IFT140: variants seen among roughly 807,000 people sequenced by gnomAD.
IFT140 encodes the protein intraflagellar transport protein 140 homolog.
IFT140 carries 133 observed loss-of-function variants against 164.6 expected under a neutral mutation model. The ratio of observed to expected loss-of-function variants is 0.81; its 90% confidence interval spans 0.70 to 0.93. IFT140 has a LOEUF of 0.93. Among genes scored for constraint, IFT140 ranks in the 40% least tolerant of loss-of-function variants. The pLI, the probability that IFT140 is intolerant of heterozygous loss-of-function variation, is 0.00. For synonymous variants in IFT140, 860 were observed against 817.3 expected (o/e 1.05, Z -0.89); for missense variants, 2,045 against 1,972.3 (o/e 1.04, Z -0.70).
At chr16:1,550,669 G>A (rs1334370210) in intron 19 of IFT140, among the ~76,000 whole-genome samples, 1 of 152,194 alleles carries the variant, frequency 6.6e-6, no homozygotes, top group Admixed American at 6.5e-5. Flanking sequence ...TTTGCTCCAT[G>A]GTTTAGCCTT....
chr16:1,566,296 G>C lies in IFT140; in HGVS notation c.1771-5C>G. The C allele has an allele frequency of 6.2e-7, 1 of 1,613,006 alleles. No homozygotes were observed. The highest frequency in any genetic ancestry group is 8.5e-7 in the Non-Finnish European group (1 of 1,179,270). ...GGAATCAGGGCTGTTGTCAGCCTAGGAGAAGAGAAAACCAGAAAGCTCACG... is the reference window on the plus strand; with the variant it reads ...GGAATCAGGGCTGTTGTCAGCCTAGCAGAAGAGAAAACCAGAAAGCTCACG... On this transcript the variant is annotated splice_polypyrimidine_tract_variant and splice_region_variant and intron_variant, in intron 15 of 30. Transcript: ENST00000426508.
chr16:1,602,176 G>A (rs781695388), intron 4 of IFT140, 194 bp downstream of exon 4: 32 of 600,300 alleles, frequency 5.3e-5, no homozygotes, highest in Non-Finnish European at 8.3e-5. Flanking sequence ...TTATAAAGGT[G>A]CAGACACACC....
At chr16:1,519,523 A>C (rs2667665) in intron 29 of IFT140, among the ~76,000 whole-genome samples, 66,718 of 151,714 alleles carry the variant, frequency 0.44, 17,695 homozygotes, top group African/African-American at 0.74. Context: ...ATGGTCCCCC[A>C]ACCCCAGGTC....
At chr16:1,543,254 G>A (rs540159643) in intron 19 of IFT140, among the ~76,000 whole-genome samples, 1 of 152,272 alleles carries the variant, frequency 6.6e-6, no homozygotes, top group African/African-American at 2.4e-5. Flanking sequence ...TCCCACAGAG[G>A]AAGTGGCAGG....
At chr16:1,511,244 CG>C (rs1050778930) in intron 30 of IFT140, 94 bp from the exon 31 acceptor site, 1 of 1,257,562 alleles carries the variant, frequency 8.0e-7, no homozygotes, top group African/African-American at 1.5e-5. Flanking sequence ...CCCCTGGAGG[CG>C]GGTGGGGGTG....
intron 29 of IFT140, among the ~76,000 whole-genome samples, chr16:1,519,452 C>T (rs2040455272): frequency 6.6e-6 from 1 of 152,138 alleles, no homozygotes; most frequent in Non-Finnish European, 1.5e-5. Context: ...TGGGTCTCCT[C>T]TCCACAAGCT....
Position 1,510,904 on chromosome 16 carries a change from C to A in IFT140, c.*40G>T. On this transcript the variant is annotated 3_prime_UTR_variant, in exon 31 of 31. Transcript: ENST00000426508. ...GCTGACAAAAAAATTCCAGAAGATG[C>A]CTTTCTGCAGCAGCACGCTGGTCCT... 8 of 1,570,562 alleles carry A rather than the reference C, an allele frequency of 5.1e-6. No individual in the cohort carries two copies. Among genetic ancestry groups the A allele is most frequent in the Non-Finnish European group, 6.1e-6 (7 of 1,149,814 alleles).
intron 3 of IFT140, among the ~76,000 whole-genome samples, chr16:1,604,013 C>A (rs1421100626): frequency 6.6e-6 from 1 of 152,160 alleles, no homozygotes; most frequent in African/African-American, 2.4e-5. Context: ...TGCTTTAGAT[C>A]TTCTAAATTT....
At chr16:1,538,916 G>T (rs2031340399) in intron 19 of IFT140, among the ~76,000 whole-genome samples, 1 of 152,158 alleles carries the variant, frequency 6.6e-6, no homozygotes, top group African/African-American at 2.4e-5. Flanking sequence ...GGCTCCTGCT[G>T]GTCCCATCTG....
At chr16:1,575,100 C>T (rs910794255) in intron 13 of IFT140, among the ~76,000 whole-genome samples, 1 of 151,992 alleles carries the variant, frequency 6.6e-6, no homozygotes, top group African/African-American at 2.4e-5. Flanking sequence ...CATGGTGGCT[C>T]ACACCTCTAA....
intron 7 of IFT140, 128 bp from the exon 8 acceptor site, chr16:1,588,152 C>A: frequency 1.5e-6 from 1 of 680,562 alleles, no homozygotes; most frequent in Non-Finnish European, 2.5e-6. Flanking sequence ...AACATGGGGA[C>A]AAATGATAGA....
intron 19 of IFT140, among the ~76,000 whole-genome samples, chr16:1,536,169 A>G (rs1596322255): frequency 6.6e-6 from 1 of 152,256 alleles, no homozygotes; most frequent in South Asian, 2.1e-4. Context: ...TGCCACCAAC[A>G]CCCACAGGTG....
chr16:1,546,182 G>A (rs2032156115), intron 19 of IFT140, among the ~76,000 whole-genome samples: 1 of 152,232 alleles, frequency 6.6e-6, no homozygotes, highest in South Asian at 2.1e-4. Flanking sequence ...GAAGGTAAAA[G>A]GTCATTACAG....
At chr16:1,550,716 C>T (rs920094019) in intron 19 of IFT140, among the ~76,000 whole-genome samples, 2 of 152,236 alleles carry the variant, frequency 1.3e-5, no homozygotes, top group African/African-American at 2.4e-5. Flanking sequence ...GCCTTCCCTG[C>T]AAGCTTGACC....
chr16:1,560,222 G>A (rs114369952), intron 18 of IFT140, among the ~76,000 whole-genome samples: 54 of 152,288 alleles, frequency 3.5e-4, no homozygotes, highest in African/African-American at 1.1e-3. Context: ...TCCATTTGGC[G>A]AATCACACGA....
At chr16:1,545,742 G>A (rs1163170392) in intron 19 of IFT140, among the ~76,000 whole-genome samples, 1 of 152,264 alleles carries the variant, frequency 6.6e-6, no homozygotes, top group Non-Finnish European at 1.5e-5. Flanking sequence ...GAAAGCCAGA[G>A]TGCAGCACAC....
At chr16:1,555,356 GATTA>G (rs1010213274) in intron 19 of IFT140, 3 of 288,798 alleles carry the variant, frequency 1.0e-5, no homozygotes, top group African/African-American at 6.5e-5. Context: ...TTTGCTTTGG[GATTA>G]ATTTATTCTG....
At chr16:1,566,372 G>C in intron 15 of IFT140, 81 bp from the exon 16 acceptor site, 1 of 1,413,572 alleles carries the variant, frequency 7.1e-7, no homozygotes, top group Non-Finnish European at 9.8e-7. Context: ...GACTGACACA[G>C]CACATGTCAA....
intron 19 of IFT140, among the ~76,000 whole-genome samples, chr16:1,528,384 T>G (rs1042096764): frequency 6.8e-6 from 1 of 147,390 alleles, no homozygotes; most frequent in African/African-American, 2.5e-5. Flanking sequence ...TGCACGCACG[T>G]GTGCACACAC....
Sources: allele counts gnomAD v4.1 joint callset (sites outside exome capture counted in the v4.1 genomes callset), GRCh38; gene constraint gnomAD v4.1.1; transcripts MANE v1.5; gene names NCBI Gene and HGNC (gene_info 2026-07-23, HGNC 2026-07-21).